The following PEF1 variants were observed in gnomAD, a reference collection of about 807,000 sequenced individuals.
The protein encoded by PEF1 is penta-EF-hand domain containing 1, also known as peflin.
A neutral mutation model predicts 32.0 loss-of-function variants in PEF1; 17 were observed. That is an observed-to-expected ratio of 0.53 (90% CI 0.36 to 0.80). PEF1 has a LOEUF of 0.80. Ranked by LOEUF, PEF1 falls within the 30% of genes least tolerant of loss-of-function variation. The probability of loss-of-function intolerance (pLI) is 0.00; values close to 1 mark genes in which losing one functional copy is unlikely to be tolerated. For missense variants in PEF1, 362 were observed against 369.1 expected, an observed-to-expected ratio of 0.98 and a Z score of 0.16; for synonymous variants, 130 against 139.8, an observed-to-expected ratio of 0.93 and a Z score of 0.50.
In PEF1 at chr1:31,630,733, C is replaced by T; in HGVS notation, c.735G>A (p.Gln245=). The change falls in exon 5 of 5, where the codon CAG becomes CAA. Residue 245 remains glutamine (Q), a synonymous_variant. Coordinates refer to ENST00000373703, the MANE Select transcript of PEF1 (RefSeq NM_012392.4). The part of the protein sequence containing the change: ...NPAMQLDRFI[Q]VCTQLQVLTE... Reference sequence around the variant, plus strand: ...TCAGCACCTGCAGCTGGGTGCACACCTGGATGAAGCGGTCAAGCTGCATGG... The same window carrying T: ...TCAGCACCTGCAGCTGGGTGCACACTTGGATGAAGCGGTCAAGCTGCATGG... 3 of 1,614,170 alleles carry T rather than the reference C, an allele frequency of 1.9e-6. No individual in the cohort carries two copies. The African/African-American group carries it at 4.0e-5, about 22-fold the overall frequency.
chr1:31,639,687 G>A (rs967900808), intron 1 of PEF1, among the ~76,000 whole-genome samples: 4 of 152,226 alleles, frequency 2.6e-5, no homozygotes, highest in Admixed American at 6.5e-5. Context: ...TGAAGAGAAC[G>A]GAATGGATTC....
Position 31,639,651 on chromosome 1 carries a change from CATG to C in PEF1, c.25-4132_25-4130del, listed in dbSNP as rs559390861. On this transcript the variant is annotated intron_variant, in intron 1 of 4. Coordinates refer to ENST00000373703, the MANE Select transcript of PEF1 (RefSeq NM_012392.4). ...TAGCCCAGGTGCTGGGCAGGCAGGG[CATG>C]AACCAGACAGCACACTTGGGGATGA... Among the ~76,000 whole-genome samples the C allele has an allele frequency of 4.1e-4, 63 of 152,294 alleles. 1 individual carries two copies. In the South Asian group the frequency reaches 0.013, roughly 31 times the overall value.
chr1:31,635,646 A>C, intron 1 of PEF1, 124 bp from the exon 2 acceptor site: 1 of 1,027,600 alleles, frequency 9.7e-7, no homozygotes, highest in Non-Finnish European at 1.3e-6. Flanking sequence ...TAGGGTTGGA[A>C]TTATGATCTC....
Position 31,630,508 on chromosome 1 carries a change from T to G in PEF1, c.*105A>C. ...CAGTGTTGCATCAAGCAAGGGAGAA[T>G]GTTCTTCTAGAGGGACAGGAAAAGA... is the stretch of plus-strand genomic sequence containing the variant. On this transcript the variant is annotated 3_prime_UTR_variant, in exon 5 of 5. Coordinates refer to ENST00000373703, the MANE Select transcript of PEF1 (RefSeq NM_012392.4). 8.7e-7 allele frequency: 1 copy of G among 1,144,394 alleles called. No individual in the cohort carries two copies. Among genetic ancestry groups the G allele is most frequent in the Non-Finnish European group, 1.3e-6 (1 of 791,392 alleles). The allele number at this position is 1,144,394 out of a possible 1,614,324, so 70.9% of individuals were successfully genotyped here.
At chr1:31,644,656 G>C in intron 1 of PEF1, 185 bp downstream of exon 1, 1 of 1,442,278 alleles carries the variant, frequency 6.9e-7, no homozygotes, top group East Asian at 2.5e-5. Flanking sequence ...GCGAATGTGC[G>C]GTCCTTCATG....
intron 1 of PEF1, among the ~76,000 whole-genome samples, chr1:31,641,535 T>C (rs890574814): frequency 1.3e-5 from 2 of 152,096 alleles, no homozygotes; most frequent in African/African-American, 4.8e-5. Context: ...CCTACCCCTT[T>C]CCCCCACATC....
At chr1:31,640,376 T>C (rs931449288) in intron 1 of PEF1, among the ~76,000 whole-genome samples, 1 of 152,184 alleles carries the variant, frequency 6.6e-6, no homozygotes, top group African/African-American at 2.4e-5. Flanking sequence ...TGCATGACTC[T>C]ACACTACCCC....
intron 4 of PEF1, among the ~76,000 whole-genome samples, chr1:31,631,482 G>A (rs1640101930): frequency 6.6e-6 from 1 of 152,100 alleles, no homozygotes; most frequent in Admixed American, 6.6e-5. Flanking sequence ...TCCTTCCTCT[G>A]TTCAGAACTT....
intron 1 of PEF1, 31 bp from the exon 2 acceptor site, chr1:31,635,553 G>C (rs1261553439): frequency 2.0e-6 from 3 of 1,502,042 alleles, no homozygotes; most frequent in Non-Finnish European, 2.7e-6. Flanking sequence ...CAGTCAGAAT[G>C]ATGAGGCCAG....
At chr1:31,631,723 T>C (rs1640108620) in intron 4 of PEF1, among the ~76,000 whole-genome samples, 1 of 152,218 alleles carries the variant, frequency 6.6e-6, no homozygotes, top group African/African-American at 2.4e-5. Flanking sequence ...ATATCACCCT[T>C]ACTAATATCC....
At chr1:31,638,649 T>C (rs1364923256) in intron 1 of PEF1, among the ~76,000 whole-genome samples, 1 of 152,274 alleles carries the variant, frequency 6.6e-6, no homozygotes, top group African/African-American at 2.4e-5. Flanking sequence ...TATTGTAGTC[T>C]GGCAGCAATT....
chr1:31,639,998 A>G (rs1640355324), intron 1 of PEF1, among the ~76,000 whole-genome samples: 1 of 152,200 alleles, frequency 6.6e-6, no homozygotes, highest in Admixed American at 6.5e-5. Flanking sequence ...CCATGCTCCC[A>G]GCCCTTTTTA....
intron 1 of PEF1, chr1:31,644,384 G>A (rs1640491290): frequency 9.9e-7 from 1 of 1,013,686 alleles, no homozygotes. Flanking sequence ...GCTCACTTGT[G>A]GCGCCTGCTA....
In PEF1 at chr1:31,635,175, A is replaced by T. The variant is rs369196442; in HGVS notation, c.325+47T>A. On this transcript the variant is annotated intron_variant, in intron 2 of 4. Coordinates refer to ENST00000373703, the MANE Select transcript of PEF1 (RefSeq NM_012392.4). The stretch of plus-strand genomic sequence containing the variant: ...GAAGGACAAAGGCTGGCCATGGATA[A>T]CTCAGAACCACGTCAGAGGTACCCG... 2.9e-5 allele frequency: 47 copies of T among 1,598,456 alleles called. No individual in the cohort carries two copies. In the East Asian group the frequency reaches 3.6e-4, roughly 12 times the overall value.
intron 1 of PEF1, among the ~76,000 whole-genome samples, chr1:31,643,176 T>C (rs1412652637): frequency 2.0e-5 from 3 of 152,192 alleles, no homozygotes; most frequent in African/African-American, 7.2e-5. Flanking sequence ...TGACCAGACA[T>C]CTGAAAAGAA....
intron 2 of PEF1, among the ~76,000 whole-genome samples, chr1:31,634,553 G>A (rs912073471): frequency 6.6e-6 from 1 of 152,120 alleles, no homozygotes; most frequent in Non-Finnish European, 1.5e-5. Flanking sequence ...TTCTCCCCAT[G>A]GTAGGCTACA....
chr1:31,634,420 C>G (rs1640201491), intron 2 of PEF1, among the ~76,000 whole-genome samples: 2 of 152,058 alleles, frequency 1.3e-5, no homozygotes, highest in South Asian at 4.1e-4. Context: ...TAAAATGAAC[C>G]CATTTCCCCA....
At chr1:31,637,643 CAAAAAAAAAAA>C (rs11291039) in intron 1 of PEF1, among the ~76,000 whole-genome samples, 12 of 58,544 alleles carry the variant, frequency 2.0e-4, no homozygotes, top group Admixed American at 6.5e-4. Flanking sequence ...ACCCTGTCTC[CAAAAAAAAAAA>C]AAAAAAAAAA....
intron 1 of PEF1, 33 bp from the exon 2 acceptor site, chr1:31,635,555 T>C (rs1428376479): frequency 2.0e-6 from 3 of 1,502,586 alleles, no homozygotes; most frequent in Non-Finnish European, 2.7e-6. Context: ...GTCAGAATGA[T>C]GAGGCCAGAA....
Sources: allele counts gnomAD v4.1 joint callset (sites outside exome capture counted in the v4.1 genomes callset), GRCh38; gene constraint gnomAD v4.1.1; transcripts MANE v1.5; gene names NCBI Gene and HGNC (gene_info 2026-07-23, HGNC 2026-07-21).